Variants in SLC5A1 observed in about 807,000 individuals in gnomAD.
SLC5A1 encodes solute carrier family 5 member 1, also known as sodium/glucose cotransporter 1.
In SLC5A1, 42 loss-of-function variants were observed where a neutral mutation model predicts 73.5. That is an observed-to-expected ratio of 0.57 (90% CI 0.45 to 0.74). The LOEUF (loss-of-function observed/expected upper bound fraction) is 0.74. Among genes scored for constraint, SLC5A1 ranks in the 30% least tolerant of loss-of-function variants. SLC5A1 has a pLI of 0.00. For synonymous variants in SLC5A1, 300 were observed against 317.4 expected, an observed-to-expected ratio of 0.95 and a Z score of 0.58; for missense variants, 634 against 855.4, an observed-to-expected ratio of 0.74 and a Z score of 3.23.
chr22:32,084,449 A>G lies in SLC5A1; in HGVS notation c.675A>G (p.Glu225=). 6.2e-7 allele frequency: 1 copy of G among 1,614,140 alleles called. No homozygotes were observed. The highest frequency in any genetic ancestry group is 8.5e-7 in the Non-Finnish European group (1 of 1,179,952). The change falls in exon 8 of 15, where the codon GAA becomes GAG. Residue 225 remains glutamate (E), a synonymous_variant. Coordinates refer to ENST00000266088, the MANE Select transcript of SLC5A1 (RefSeq NM_000343.4). ...SLILTGFAFH[E]VGGYDAFMEK... ...ACCGATGTTTTCCAGCTTTTCACGA[A>G]GTGGGAGGCTATGACGCCTTCATGG... is the stretch of plus-strand genomic sequence containing the variant.
At chr22:32,056,357 G>C (rs998800655) in intron 2 of SLC5A1, among the ~76,000 whole-genome samples, 2 of 151,760 alleles carry the variant, frequency 1.3e-5, no homozygotes, top group Non-Finnish European at 2.9e-5. Flanking sequence ...ATTCTGATTA[G>C]GGTTGCCAGA....
rs534134721 is a variant in SLC5A1, at chr22:32,066,802, C to T, written c.208-133C>T. Reference sequence around the variant, plus strand: ...AACCAGCTGTCCCTGATGATTCCAGCACAGTTTTCTCCCAGCCCACCTCTG... The same window carrying T: ...AACCAGCTGTCCCTGATGATTCCAGTACAGTTTTCTCCCAGCCCACCTCTG... On this transcript the variant is annotated intron_variant, in intron 2 of 14. Coordinates refer to ENST00000266088, the MANE Select transcript of SLC5A1 (RefSeq NM_000343.4). The T allele has an allele frequency of 5.0e-5, 35 of 697,594 alleles. No individual in the cohort carries two copies. In the South Asian group the frequency reaches 5.1e-4, roughly 10 times the overall value. The allele number at this position is 697,594 out of a possible 1,614,324, so 43.2% of individuals were successfully genotyped here. A position where few individuals can be genotyped will look rare whatever the true frequency, so the allele number is the denominator to read the frequency against.
chr22:32,059,103 T>C (rs2093956300), intron 2 of SLC5A1: 2 of 985,332 alleles, frequency 2.0e-6, no homozygotes, highest in Non-Finnish European at 2.4e-6. Context: ...AGGACTGGAT[T>C]GCAGAGAGCC....
chr22:32,066,766 T>A (rs2093973986), intron 2 of SLC5A1, among the ~76,000 whole-genome samples, 169 bp from the exon 3 acceptor site: 1 of 152,234 alleles, frequency 6.6e-6, no homozygotes, highest in Non-Finnish European at 1.5e-5. Flanking sequence ...AGTTTCCACA[T>A]CTGCCTTCTG....
intron 12 of SLC5A1, among the ~76,000 whole-genome samples, chr22:32,100,550 A>T (rs535897819): frequency 6.6e-6 from 1 of 152,212 alleles, no homozygotes; most frequent in South Asian, 2.1e-4. Flanking sequence ...TTATGAAAAA[A>T]TTTGAATTTT....
Position 32,110,306 on chromosome 22 carries a change from G to T in SLC5A1, c.*93G>T. 1 of 1,033,704 alleles carries T rather than the reference G, an allele frequency of 9.7e-7. No individual in the cohort carries two copies. Among genetic ancestry groups the T allele is most frequent in the Non-Finnish European group, 1.5e-6 (1 of 664,350 alleles). 64.0% of individuals were successfully genotyped at this position (1,033,704 alleles called of 1,614,324 possible). On this transcript the variant is annotated 3_prime_UTR_variant, in exon 15 of 15. Coordinates refer to ENST00000266088, the MANE Select transcript of SLC5A1 (RefSeq NM_000343.4). The stretch of plus-strand genomic sequence containing the variant: ...GGTGTTGAAGGGAAATCAGCCAGTT[G>T]TAAATTTTGCCCAGGTGGATAAATG...
chr22:32,058,040 C>T (rs1261531099), intron 2 of SLC5A1, among the ~76,000 whole-genome samples: 1 of 152,114 alleles, frequency 6.6e-6, no homozygotes, highest in East Asian at 1.9e-4. Flanking sequence ...TTTAAAAATG[C>T]ACTCATTGTT....
Position 32,081,954 on chromosome 22 carries a change from C to A in SLC5A1, c.566C>A (p.Ala189Asp). 6.2e-7 allele frequency: 1 copy of A among 1,609,642 alleles called. No homozygotes were observed. Among genetic ancestry groups the A allele is most frequent in the South Asian group, 1.1e-5 (1 of 90,978 alleles). ...ATCTTTCTCTTATTGGCAATCACTGCCCTTTACACAATTACAGGTGAGTCC... is the reference window on the plus strand; with the variant it reads ...ATCTTTCTCTTATTGGCAATCACTGACCTTTACACAATTACAGGTGAGTCC... ...LAIFLLLAITALYTITGGLAA... is the reference protein window; with the variant it reads ...LAIFLLLAITDLYTITGGLAA... Residue 189 changes from alanine to aspartate, a missense_variant, in exon 6 of 15, where the codon GCC becomes GAC. Around this residue, in one of 3 missense-constraint regions of SLC5A1, gnomAD observed 422 missense variants for 626.1 expected, o/e 0.67. Coordinates refer to ENST00000266088, the MANE Select transcript of SLC5A1 (RefSeq NM_000343.4).
chr22:32,086,711 G>A (rs2094008986), intron 10 of SLC5A1, among the ~76,000 whole-genome samples: 1 of 152,106 alleles, frequency 6.6e-6, no homozygotes. Context: ...ATTAAAAATA[G>A]AACTACCATA....
At chr22:32,065,332 G>T (rs2093970960) in intron 2 of SLC5A1, among the ~76,000 whole-genome samples, 1 of 152,140 alleles carries the variant, frequency 6.6e-6, no homozygotes, top group South Asian at 2.1e-4. Context: ...GCATACCTGT[G>T]TCAGGGGGTC....
At chr22:32,077,541 T>C (rs1392825309) in intron 5 of SLC5A1, among the ~76,000 whole-genome samples, 2 of 152,178 alleles carry the variant, frequency 1.3e-5, no homozygotes, top group Non-Finnish European at 2.9e-5. Flanking sequence ...TCAAAGCTGG[T>C]GCTGCATTCC....
intron 5 of SLC5A1, among the ~76,000 whole-genome samples, chr22:32,073,113 A>G (rs1013374744): frequency 1.3e-5 from 2 of 152,202 alleles, no homozygotes; most frequent in African/African-American, 4.8e-5. Context: ...CCACTGCCAA[A>G]TCCAAGGTCA....
chr22:32,080,805 C>T (rs1265017173), intron 5 of SLC5A1, among the ~76,000 whole-genome samples: 1 of 152,114 alleles, frequency 6.6e-6, no homozygotes, highest in Non-Finnish European at 1.5e-5. Context: ...ACCAGCCTGA[C>T]CAACATGGTG....
chr22:32,104,994 G>C, intron 14 of SLC5A1, 103 bp downstream of exon 14: 1 of 851,850 alleles, frequency 1.2e-6, no homozygotes, highest in Non-Finnish European at 2.0e-6. Context: ...GAGCTCAGAT[G>C]TCTCCCCTCC....
chr22:32,088,732 G>A (rs746651314), intron 10 of SLC5A1, among the ~76,000 whole-genome samples: 3 of 152,034 alleles, frequency 2.0e-5, no homozygotes, highest in Non-Finnish European at 4.4e-5. Flanking sequence ...CAGCATTATC[G>A]ATCACTCATC....
intron 7 of SLC5A1, 112 bp downstream of exon 7, chr22:32,083,266 G>A: frequency 1.2e-6 from 1 of 853,598 alleles, no homozygotes; most frequent in Non-Finnish European, 1.9e-6. Flanking sequence ...AGTGAGCTGA[G>A]GCATGCTCTG....
intron 2 of SLC5A1, among the ~76,000 whole-genome samples, chr22:32,053,820 C>G (rs2093948134): frequency 2.0e-5 from 3 of 152,194 alleles, no homozygotes; most frequent in Non-Finnish European, 2.9e-5. Flanking sequence ...ACATGTAAAT[C>G]TCTTAGGACA....
chr22:32,084,317 C>A, intron 7 of SLC5A1, 122 bp from the exon 8 acceptor site: 2 of 822,610 alleles, frequency 2.4e-6, no homozygotes, highest in Non-Finnish European at 4.1e-6. Flanking sequence ...TTGCCCAAGG[C>A]CACTCAGTGA....
chr22:32,093,865 C>T (rs1048974917), intron 11 of SLC5A1, among the ~76,000 whole-genome samples: 2 of 152,184 alleles, frequency 1.3e-5, no homozygotes, highest in Non-Finnish European at 2.9e-5. Context: ...CTGGCTAGGA[C>T]TTCCAGTACT....
Sources: gnomAD v4.1 joint callset for allele counts (sites outside exome capture counted in the v4.1 genomes callset) on GRCh38, gnomAD v4.1.1 for gene constraint, gnomAD v4.1.1 regional missense constraint, MANE v1.5 for transcripts, NCBI Gene and HGNC (gene_info 2026-07-23, HGNC 2026-07-21) for gene names.